CRAMP1: variants seen among roughly 807,000 people sequenced by gnomAD.
The protein encoded by CRAMP1 is cramped chromatin regulator 1.
In CRAMP1, 50 loss-of-function variants were observed where a neutral mutation model predicts 115.4. The ratio of observed to expected loss-of-function variants is 0.43; its 90% CI spans 0.35 to 0.55. The LOEUF (loss-of-function observed/expected upper bound fraction) is 0.55, where lower values mean the gene tolerates loss of function less well. CRAMP1 is among the 20% of genes least tolerant of loss of function. The pLI, the probability that CRAMP1 is intolerant of heterozygous loss-of-function variation, is 0.01. For missense variants in CRAMP1, 1,679 were observed against 1,721.7 expected, an observed-to-expected ratio of 0.98 and a Z score of 0.44; for synonymous variants, 866 against 745.4, an observed-to-expected ratio of 1.16 and a Z score of -2.64.
Position 1,668,996 on chromosome 16 carries a change from G to A in CRAMP1, c.3335-5G>A. 3 of 1,612,684 alleles carry A rather than the reference G, an allele frequency of 1.9e-6. No individual in the cohort carries two copies. On this transcript the variant is annotated splice_polypyrimidine_tract_variant and splice_region_variant and intron_variant, in intron 18 of 20. Coordinates refer to ENST00000397412, the MANE Select transcript of CRAMP1 (RefSeq NM_020825.4). ...GCGTTTCTGATCTGGGATCTTGGTT[G>A]GCAGGTGAAGGAGTCCCTCTTTCTC...
Position 1,652,492 on chromosome 16 carries a change from C to G in CRAMP1, c.828-4C>G. The G allele has an allele frequency of 6.4e-7, 1 of 1,551,434 alleles. No homozygotes were observed. Among genetic ancestry groups the G allele is most frequent in the Non-Finnish European group, 8.7e-7 (1 of 1,146,720 alleles). On this transcript the variant is annotated splice_region_variant and splice_polypyrimidine_tract_variant and intron_variant, in intron 6 of 20. Coordinates refer to ENST00000397412, the MANE Select transcript of CRAMP1 (RefSeq NM_020825.4). ...TCAGCGTTCCTTCAAAACTCTTTTC[C>G]CAGGGCCACCACTGTACGTTACAAA... is the stretch of plus-strand genomic sequence containing the variant.
rs1389766076 is a variant in CRAMP1, at chr16:1,614,912, C to T, written c.273C>T (p.Ser91=). 2.3e-6 allele frequency: 3 copies of T among 1,315,584 alleles called. No individual in the cohort carries two copies. The highest frequency in any genetic ancestry group is 2.9e-6 in the Non-Finnish European group (3 of 1,032,158). The allele number at this position is 1,315,584 out of a possible 1,614,324, so 81.5% of individuals were successfully genotyped here. The change falls in exon 2 of 21, where the codon AGC becomes AGT. Residue 91 remains serine, a synonymous_variant. Coordinates refer to ENST00000397412, the MANE Select transcript of CRAMP1 (RefSeq NM_020825.4). The surrounding 1 kb of genome is among the most constrained non-coding windows in gnomAD (Gnocchi z 4.4). The part of the protein sequence containing the change: ...HFLRSSVRPQ[S]KRPRKDPPSA... ...TCCGGTCCAGCGTGCGGCCGCAGAG[C>T]AAGAGGCCCAGGAAGGATCCTCCGA...
rs1481509407 is a variant in CRAMP1 at position 1,672,729 on chromosome 16, A to G, written c.3646-1152A>G. Reference sequence around the variant, plus strand: ...TGTGCAAACAATGGCCCCTGTCCTCATGAGGCTTCTACTCTAGAGCAGGAC... The same window carrying G: ...TGTGCAAACAATGGCCCCTGTCCTCGTGAGGCTTCTACTCTAGAGCAGGAC... On this transcript the variant is annotated intron_variant, in intron 20 of 20. Coordinates refer to ENST00000397412, the MANE Select transcript of CRAMP1 (RefSeq NM_020825.4). The surrounding 1 kb of genome is among the most constrained non-coding windows in gnomAD (Gnocchi z 4.9). Among the ~76,000 whole-genome samples the G allele has an allele frequency of 6.6e-6, 1 of 152,180 alleles. No homozygotes were observed. The highest frequency in any genetic ancestry group is 1.5e-5 in the Non-Finnish European group (1 of 68,024).
chr16:1,661,826 A>C (rs992035768), intron 11 of CRAMP1, among the ~76,000 whole-genome samples: 2 of 152,114 alleles, frequency 1.3e-5, no homozygotes, highest in African/African-American at 4.8e-5. Flanking sequence ...ATGAATTCAC[A>C]GGGTGATTTA....
At chr16:1,621,507 G>A (rs976172077) in intron 2 of CRAMP1, among the ~76,000 whole-genome samples, 2 of 152,210 alleles carry the variant, frequency 1.3e-5, no homozygotes, top group Non-Finnish European at 2.9e-5. Context: ...GAACTGTGGC[G>A]CTGACACGGG....
rs948415333 is a variant in CRAMP1, at chr16:1,656,521, G to C, written c.1764G>C (p.Gln588His). Residue 588 changes from glutamine to histidine, a missense_variant, in exon 10 of 21, where the codon CAG becomes CAC. Physicochemically the swap from Gln to His is conservative, Grantham distance 24 (BLOSUM62 0). Coordinates refer to ENST00000397412, the MANE Select transcript of CRAMP1 (RefSeq NM_020825.4). This position sits in a 1 kb window ranked among gnomAD's most constrained non-coding sequence, Gnocchi z 5.6. The part of the protein sequence containing the change: ...RCADTRPGSE[Q>H]PPLGGAASPE... Reference sequence around the variant, plus strand: ...CGGACACACGGCCTGGGAGCGAGCAGCCCCCTCTGGGCGGGGCGGCCTCCC... The same window carrying C: ...CGGACACACGGCCTGGGAGCGAGCACCCCCCTCTGGGCGGGGCGGCCTCCC... The C allele has an allele frequency of 7.7e-6, 12 of 1,562,190 alleles. No individual in the cohort carries two copies. In the Admixed American group the frequency reaches 9.5e-5, roughly 12 times the overall value.
Position 1,674,234 on chromosome 16 carries a change from C to A in CRAMP1, c.*189C>A, listed in dbSNP as rs1567465083. On this transcript the variant is annotated 3_prime_UTR_variant, in exon 21 of 21. Transcript: ENST00000397412. Reference sequence around the variant, plus strand: ...GCGTCCAAGGAGACTAGGATGAGTTCTTGGCAAGGGCCAGCGTTAGAAATC... The same window carrying A: ...GCGTCCAAGGAGACTAGGATGAGTTATTGGCAAGGGCCAGCGTTAGAAATC... The A allele has an allele frequency of 3.3e-6, 2 of 613,568 alleles. No individual in the cohort carries two copies. The highest frequency in any genetic ancestry group is 5.6e-5 in the East Asian group (2 of 35,940). 38.0% of individuals were successfully genotyped at this position (613,568 alleles called of 1,614,324 possible).
chr16:1,658,565 A>G (rs1163305481), intron 10 of CRAMP1, among the ~76,000 whole-genome samples: 3 of 152,098 alleles, frequency 2.0e-5, no homozygotes. Flanking sequence ...GACTGGACAG[A>G]CAGACAGACA....
intron 6 of CRAMP1, 29 bp downstream of exon 6, chr16:1,641,216 A>G: frequency 5.2e-6 from 8 of 1,529,920 alleles, no homozygotes; most frequent in Non-Finnish European, 5.4e-6. Context: ...GTGAAACATC[A>G]CTTCTCTGGG....
Position 1,667,975 on chromosome 16 carries a change from T to C in CRAMP1, c.3116T>C (p.Leu1039Pro), listed in dbSNP as rs1300368337. 6.2e-7 allele frequency: 1 copy of C among 1,609,420 alleles called. No individual in the cohort carries two copies. The highest frequency in any genetic ancestry group is 2.2e-5 in the East Asian group (1 of 44,778). ...GTCTCCCAGCAGGGCTCATCTGTTC[T>C]CTCCTTATCTGAGCTGCCCAAGGCC... ...VADSFQGSSV[L>P]SLSELPKAPL... Residue 1039 changes from leucine (L) to proline (P), a missense_variant, in exon 18 of 21, where the codon CTC becomes CCC. Transcript: ENST00000397412.
Position 1,624,909 on chromosome 16 carries a change from T to G in CRAMP1, c.347-1064T>G, listed in dbSNP as rs542573633. ...GCCTGGCTAATTTTTATATTTTTAGTGGAGATGGGATTTCATCATGTTGCG... is the reference window on the plus strand; with the variant it reads ...GCCTGGCTAATTTTTATATTTTTAGGGGAGATGGGATTTCATCATGTTGCG... On this transcript the variant is annotated intron_variant, in intron 2 of 20. Transcript: ENST00000397412. 1.6e-3 allele frequency among the ~76,000 whole-genome samples: 250 copies of G among 152,230 alleles called. 1 individual carries two copies. The highest frequency in any genetic ancestry group is 1.9e-3 in the Non-Finnish European group (131 of 68,012).
In CRAMP1 at chr16:1,647,044, A is replaced by G. The variant is rs181640338; in HGVS notation, c.828-5452A>G. On this transcript the variant is annotated intron_variant, in intron 6 of 20. Transcript: ENST00000397412. The stretch of plus-strand genomic sequence containing the variant: ...ACATTCGTATTTACAAACAAACAGG[A>G]AACCTGTCAAGGTGAGAGATTGGGA... The G allele has an allele frequency of 1.6e-4, 115 of 702,968 alleles. No individual in the cohort carries two copies. In the African/African-American group the frequency reaches 1.9e-3, roughly 11 times the overall value. The allele number at this position is 702,968 out of a possible 1,614,324, so 43.5% of individuals were successfully genotyped here. A position where few individuals can be genotyped will look rare whatever the true frequency, so the allele number is the denominator to read the frequency against.
Position 1,656,280 on chromosome 16 carries a change from C to T in CRAMP1, c.1523C>T (p.Ala508Val). Reference protein sequence around the residue: ...GAALSLSSPDAPDRPPPRHQD... With the variant: ...GAALSLSSPDVPDRPPPRHQD... The stretch of plus-strand genomic sequence containing the variant: ...GCCCTAAGCTTGAGCAGCCCGGACG[C>T]TCCTGACAGGCCTCCTCCCAGGCAC... Residue 508 changes from alanine (A) to valine (V), a missense_variant, in exon 10 of 21, where the codon GCT becomes GTT. Coordinates refer to ENST00000397412, the MANE Select transcript of CRAMP1 (RefSeq NM_020825.4). This position sits in a 1 kb window ranked among gnomAD's most constrained non-coding sequence, Gnocchi z 5.6. 1.2e-6 allele frequency: 2 copies of T among 1,611,886 alleles called. No individual in the cohort carries two copies. Among genetic ancestry groups the T allele is most frequent in the Non-Finnish European group, 1.7e-6 (2 of 1,179,730 alleles).
Position 1,662,470 on chromosome 16 carries a change from T to TCTCTC in CRAMP1, c.2414-8_2414-4dup, listed in dbSNP as rs757621944. On this transcript the variant is annotated intron_variant, in intron 11 of 20. Transcript: ENST00000397412. ...GCTAGGTGAATGCTGTCACACTGAT[T>TCTCTC]CTCTCCTCTCCTCTCCCAGGTTTGA... 9.4e-6 allele frequency: 15 copies of TCTCTC among 1,601,208 alleles called. No individual in the cohort carries two copies. In the East Asian group the frequency reaches 1.8e-4, roughly 19 times the overall value.
intron 11 of CRAMP1, among the ~76,000 whole-genome samples, chr16:1,661,226 G>A (rs984687196): frequency 2.6e-5 from 4 of 152,212 alleles, no homozygotes; most frequent in African/African-American, 9.7e-5. Flanking sequence ...GGAGGCTGAG[G>A]TGGGAGGATC....
chr16:1,663,883 T>C (rs1292733799), intron 13 of CRAMP1, among the ~76,000 whole-genome samples: 2 of 152,248 alleles, frequency 1.3e-5, no homozygotes, highest in African/African-American at 4.8e-5. Context: ...CAGCCGTGAT[T>C]ATTCATTTCT....
chr16:1,655,355 GA>G (rs1436101029), intron 9 of CRAMP1, 55 bp downstream of exon 9: 1 of 1,402,716 alleles, frequency 7.1e-7, no homozygotes, highest in Non-Finnish European at 1.0e-6. Context: ...CTGCTGCCCA[GA>G]GATGGACCAC....
intron 6 of CRAMP1, among the ~76,000 whole-genome samples, chr16:1,642,743 G>A (rs760821912): frequency 6.6e-6 from 1 of 152,226 alleles, no homozygotes; most frequent in African/African-American, 2.4e-5. Context: ...AAACACTGCC[G>A]CAGGATCCAT....
intron 2 of CRAMP1, among the ~76,000 whole-genome samples, chr16:1,625,274 C>T (rs996194662): frequency 1.3e-5 from 2 of 152,110 alleles, no homozygotes; most frequent in African/African-American, 4.8e-5. Context: ...CCAGGGTTCT[C>T]GGTCCACAGC....
Sources: gnomAD v4.1 joint callset for allele counts (sites outside exome capture counted in the v4.1 genomes callset) on GRCh38, gnomAD v4.1.1 for gene constraint, Gnocchi (gnomAD v3.1) non-coding constraint, MANE v1.5 for transcripts, NCBI Gene and HGNC (gene_info 2026-07-23, HGNC 2026-07-21) for gene names.